The following PIK3C2G variants were observed in gnomAD, a reference collection of about 807,000 sequenced individuals.
PIK3C2G encodes phosphatidylinositol 3-kinase C2 domain-containing subunit gamma.
PIK3C2G carries 168 observed loss-of-function variants against 181.1 expected under a neutral mutation model. The ratio of observed to expected loss-of-function variants is 0.93; its 90% confidence interval spans 0.82 to 1.05. PIK3C2G has a LOEUF of 1.05. Among genes scored for constraint, PIK3C2G ranks in the 50% least tolerant of loss-of-function variants. The pLI, the probability that PIK3C2G is intolerant of heterozygous loss-of-function variation, is 0.00. For synonymous variants in PIK3C2G, 573 were observed against 592.2 expected, an observed-to-expected ratio of 0.97 and a Z score of 0.47; for missense variants, 1,869 against 1,732.8, an observed-to-expected ratio of 1.08 and a Z score of -1.40.
chr12:18,562,051 G>A (rs1282304961), intron 26 of PIK3C2G, among the ~76,000 whole-genome samples: 1 of 152,134 alleles, frequency 6.6e-6, no homozygotes, highest in African/African-American at 2.4e-5. Flanking sequence ...CGTTACTTCT[G>A]GAATGTTGTA....
chr12:18,722,343 T>C, the PIK3C2G span, among the ~76,000 whole-genome samples: 23 of 152,260 alleles, frequency 1.5e-4, no homozygotes, highest in African/African-American at 5.5e-4. Context: ...TTCTTCACTA[T>C]ATCTTCAGCC....
At chr12:18,466,366 TA>T (rs1311182499) in intron 18 of PIK3C2G, among the ~76,000 whole-genome samples, 3 of 151,862 alleles carry the variant, frequency 2.0e-5, no homozygotes, top group Non-Finnish European at 1.5e-5. Context: ...CAAACTGGAA[TA>T]ATGTTCTCAA....
intron 8 of PIK3C2G, among the ~76,000 whole-genome samples, chr12:18,328,804 C>T (rs1418149331): frequency 6.6e-6 from 1 of 151,852 alleles, no homozygotes. Context: ...GTTTCTATCA[C>T]TATTATTCAA....
intron 31 of PIK3C2G, among the ~76,000 whole-genome samples, chr12:18,628,473 A>T (rs1224556341): frequency 6.6e-6 from 1 of 152,204 alleles, no homozygotes; most frequent in Non-Finnish European, 1.5e-5. Flanking sequence ...ATTGAAAGCC[A>T]TTTGAAATGC....
At chr12:18,322,743 A>T (rs754423371) in intron 7 of PIK3C2G, among the ~76,000 whole-genome samples, 3 of 152,140 alleles carry the variant, frequency 2.0e-5, no homozygotes, top group Non-Finnish European at 2.9e-5. Flanking sequence ...CCCCCTAAAA[A>T]CATCCATCTT....
At chr12:18,473,731 A>G (rs573538139) in intron 18 of PIK3C2G, among the ~76,000 whole-genome samples, 55 of 152,254 alleles carry the variant, frequency 3.6e-4, no homozygotes, top group South Asian at 1.2e-3. Flanking sequence ...TATTGTTGTT[A>G]TGATTATTAT....
chr12:18,441,310 C>T (rs1254795431), intron 18 of PIK3C2G, among the ~76,000 whole-genome samples: 4 of 152,030 alleles, frequency 2.6e-5, no homozygotes, highest in African/African-American at 9.7e-5. Context: ...CTATTAAAAA[C>T]AATTATTTTA....
intron 18 of PIK3C2G, among the ~76,000 whole-genome samples, chr12:18,480,994 G>T: frequency 6.6e-6 from 1 of 151,904 alleles, no homozygotes; most frequent in Non-Finnish European, 1.5e-5. Flanking sequence ...GTGCAGTGGC[G>T]CAATCTCGGC....
intron 9 of PIK3C2G, among the ~76,000 whole-genome samples, chr12:18,339,337 T>C (rs1938891682): frequency 6.6e-6 from 1 of 152,144 alleles, no homozygotes; most frequent in Admixed American, 6.5e-5. Flanking sequence ...CTGAATTTAA[T>C]TTTTATTTTA....
At chr12:18,725,847 T>G in the PIK3C2G span, among the ~76,000 whole-genome samples, 234 of 152,216 alleles carry the variant, frequency 1.5e-3, 2 homozygotes, top group African/African-American at 5.4e-3. Context: ...CTACTAATCC[T>G]TGAAAAAGTG....
intron 5 of PIK3C2G, among the ~76,000 whole-genome samples, chr12:18,294,339 T>A (rs568431864): frequency 6.6e-6 from 1 of 152,206 alleles, no homozygotes; most frequent in South Asian, 2.1e-4. Flanking sequence ...CTAGGACAAG[T>A]TGCTCATCCT....
At chr12:18,269,281 G>A (rs1948644112) in intron 1 of PIK3C2G, among the ~76,000 whole-genome samples, 1 of 151,950 alleles carries the variant, frequency 6.6e-6, no homozygotes, top group African/African-American at 2.4e-5. Context: ...TCATTAAGTA[G>A]GTATCTGTTC....
At chr12:18,301,390 C>CT (rs2137288904) in intron 5 of PIK3C2G, among the ~76,000 whole-genome samples, 1 of 152,136 alleles carries the variant, frequency 6.6e-6, no homozygotes. Flanking sequence ...CATAGGCTTT[C>CT]TTTATTTTGA....
chr12:18,611,699 T>C (rs1005382911), intron 31 of PIK3C2G, among the ~76,000 whole-genome samples: 1 of 152,082 alleles, frequency 6.6e-6, no homozygotes, highest in Non-Finnish European at 1.5e-5. Flanking sequence ...CTCTAGTTAC[T>C]CAGGTTAAAA....
intron 11 of PIK3C2G, among the ~76,000 whole-genome samples, chr12:18,360,197 C>T (rs1182959843): frequency 6.6e-6 from 1 of 151,840 alleles, no homozygotes; most frequent in African/African-American, 2.4e-5. Context: ...GAGTCTTATA[C>T]AAAATATCTT....
chr12:18,516,874 T>A (rs567967331), intron 24 of PIK3C2G, among the ~76,000 whole-genome samples: 5 of 152,112 alleles, frequency 3.3e-5, no homozygotes, highest in African/African-American at 1.2e-4. Context: ...CCAAATTTTA[T>A]TTATATTTTT....
intron 24 of PIK3C2G, among the ~76,000 whole-genome samples, chr12:18,524,712 C>T (rs1033755223): frequency 9.2e-5 from 14 of 151,836 alleles, no homozygotes; most frequent in African/African-American, 2.9e-4. Context: ...ATTACAGGTG[C>T]CCACCACCAC....
intron 31 of PIK3C2G, among the ~76,000 whole-genome samples, chr12:18,638,889 A>T (rs979923684): frequency 2.0e-5 from 3 of 151,826 alleles, no homozygotes; most frequent in African/African-American, 7.3e-5. Context: ...CTCAAGTTCC[A>T]AAACAGATAA....
chr12:18,276,954 G>C (rs1949011018), intron 1 of PIK3C2G, among the ~76,000 whole-genome samples: 1 of 152,128 alleles, frequency 6.6e-6, no homozygotes, highest in Non-Finnish European at 1.5e-5. Context: ...AGGTGAATAA[G>C]AAAACATCAA....
Sources: allele counts gnomAD v4.1 joint callset (sites outside exome capture counted in the v4.1 genomes callset), GRCh38; gene constraint gnomAD v4.1.1; transcripts MANE v1.5; gene names NCBI Gene and HGNC (gene_info 2026-07-23, HGNC 2026-07-21).